Variants in CYB5D2 observed in about 807,000 individuals in gnomAD.
CYB5D2 encodes the protein neuferricin.
CYB5D2 carries 23 observed loss-of-function variants against 22.8 expected under a neutral mutation model. That is an observed-to-expected ratio of 1.01 (90% CI 0.73 to 1.43). The LOEUF (loss-of-function observed/expected upper bound fraction) is 1.43, where lower values mean the gene tolerates loss of function less well. Among genes scored for constraint, CYB5D2 ranks in the 40% most tolerant of loss-of-function variants. CYB5D2 has a pLI of 0.00. For synonymous variants in CYB5D2, 170 were observed against 152.2 expected (o/e 1.12, Z -0.86); for missense variants, 373 against 357.2 (o/e 1.04, Z -0.36).
intron 1 of CYB5D2, among the ~76,000 whole-genome samples, chr17:4,145,661 G>A (rs1182714275): frequency 6.6e-6 from 1 of 152,188 alleles, no homozygotes; most frequent in Non-Finnish European, 1.5e-5. Context: ...AATCCAAGAT[G>A]TCTGCAACAT....
At position 4,143,784 on chromosome 17, in the gene CYB5D2, T is replaced by A; in HGVS notation, c.29T>A (p.Leu10Ter). The change falls in exon 1 of 4, where the codon TTG becomes TAG. Residue 10 changes from leucine to a stop codon, truncating the protein, a stop_gained. Transcript: ENST00000301391. LOFTEE classifies it high-confidence loss of function. Reference protein sequence around the residue: MLRCGGRGLLLGLAVAAAAV... With the variant: MLRCGGRGL ...TTGAGGTGCGGAGGCCGTGGGCTTT[T>A]GTTGGGCCTGGCTGTAGCCGCAGCA... 2 of 1,613,920 alleles carry A rather than the reference T, an allele frequency of 1.2e-6. No individual in the cohort carries two copies. Among genetic ancestry groups the A allele is most frequent in the Non-Finnish European group, 1.7e-6 (2 of 1,179,920 alleles).
intron 2 of CYB5D2, among the ~76,000 whole-genome samples, chr17:4,151,420 C>T (rs2059056229): frequency 6.6e-6 from 1 of 152,216 alleles, no homozygotes; most frequent in South Asian, 2.1e-4. Flanking sequence ...AGTGGTCTCT[C>T]ACACCTGTAA....
In CYB5D2 at chr17:4,150,006, CTA is replaced by C. The variant is rs866040883; in HGVS notation, c.368_369del (p.Tyr123Ter). 5.0e-6 allele frequency: 8 copies of C among 1,613,952 alleles called. No individual in the cohort carries two copies. Among genetic ancestry groups the C allele is most frequent in the Admixed American group, 1.7e-5 (1 of 59,982 alleles). The part of the protein sequence containing the change: ...MLTLHNWLSF[Y>X]EKNYVCVGRV... ...TGACACTTCACAATTGGCTTTCATT[CTA>C]TGAGAAGAATTATGTGTGTGTTGGT... On this transcript the variant is annotated frameshift_variant, in exon 2 of 4. Coordinates refer to ENST00000301391, the MANE Select transcript of CYB5D2 (RefSeq NM_144611.4). LOFTEE classifies it high-confidence loss of function.
rs374793383 is a variant in CYB5D2, at chr17:4,152,222, T to C, written c.391+2191T>C. ...GATTTTAGTTGATGTCAGGATCTTA[T>C]TGAATACCTACTACTCATAAGTTAC... On this transcript the variant is annotated intron_variant, in intron 2 of 3. Transcript: ENST00000301391. Among the ~76,000 whole-genome samples, 28 of 152,300 alleles carry C rather than the reference T, an allele frequency of 1.8e-4. No individual in the cohort carries two copies. The South Asian group carries it at 5.6e-3, about 30-fold the overall frequency.
chr17:4,149,758 C>T, intron 1 of CYB5D2, 133 bp from the exon 2 acceptor site: 1 of 1,072,080 alleles, frequency 9.3e-7, no homozygotes, highest in Non-Finnish European at 1.3e-6. Context: ...GAAATCATGC[C>T]ACTGCACTCC....
At chr17:4,144,261 G>T (rs1423404264) in intron 1 of CYB5D2, among the ~76,000 whole-genome samples, 2 of 152,096 alleles carry the variant, frequency 1.3e-5, no homozygotes, top group African/African-American at 2.4e-5. Context: ...TCTGTCTCTT[G>T]TTACCCATTA....
intron 1 of CYB5D2, 22 bp from the exon 2 acceptor site, chr17:4,149,856 TACACCTGGGTCTG>T: frequency 6.3e-7 from 1 of 1,597,202 alleles, no homozygotes; most frequent in Non-Finnish European, 8.5e-7. Context: ...GTCAGTGGTT[TACACCTGGGTCTG>T]ATGGAAACAT....
At chr17:4,144,105 T>G in intron 1 of CYB5D2, 100 bp downstream of exon 1, 1 of 1,438,306 alleles carries the variant, frequency 7.0e-7, no homozygotes, top group Non-Finnish European at 9.3e-7. Flanking sequence ...TCCCCCCCCA[T>G]CCCCACCCCA....
At chr17:4,144,951 T>C (rs2058968837) in intron 1 of CYB5D2, among the ~76,000 whole-genome samples, 1 of 152,028 alleles carries the variant, frequency 6.6e-6, no homozygotes, top group African/African-American at 2.4e-5. Context: ...CACGCCCGGC[T>C]AATTTGTTGA....
intron 3 of CYB5D2, among the ~76,000 whole-genome samples, chr17:4,155,819 A>G (rs1242439570): frequency 6.6e-6 from 1 of 151,924 alleles, no homozygotes; most frequent in Non-Finnish European, 1.5e-5. Flanking sequence ...TGTCTCCTGA[A>G]CCTCTTCTTG....
rs2058919093 is a variant in CYB5D2, at chr17:4,143,595, C to CAGATAAAACG, written c.-157_-148dup. ...GAGCTTTTCGCCAGTGCCAGGAATA[C>CAGATAAAACG]AGATAAAACGAGAGAGACTAAGGGA... On this transcript the variant is annotated 5_prime_UTR_variant, in exon 1 of 4. Coordinates refer to ENST00000301391, the MANE Select transcript of CYB5D2 (RefSeq NM_144611.4). The CAGATAAAACG allele has an allele frequency of 2.0e-6, 2 of 1,001,194 alleles. No individual in the cohort carries two copies. The highest frequency in any genetic ancestry group is 2.9e-6 in the Non-Finnish European group (2 of 700,906). The allele number at this position is 1,001,194 out of a possible 1,614,324, so 62.0% of individuals were successfully genotyped here. A position where few individuals can be genotyped will look rare whatever the true frequency, so the allele number is the denominator to read the frequency against.
intron 2 of CYB5D2, among the ~76,000 whole-genome samples, chr17:4,152,113 T>C (rs2059065382): frequency 6.6e-6 from 1 of 152,122 alleles, no homozygotes; most frequent in African/African-American, 2.4e-5. Context: ...ATGCGTTTGG[T>C]GTGACAAGTG....
chr17:4,143,786 T>A lies in CYB5D2; in HGVS notation c.31T>A (p.Leu11Met). MLRCGGRGLL[L>M]GLAVAAAAVM... The stretch of plus-strand genomic sequence containing the variant: ...GAGGTGCGGAGGCCGTGGGCTTTTG[T>A]TGGGCCTGGCTGTAGCCGCAGCAGC... Residue 11 changes from leucine (L) to methionine (M), a missense_variant, in exon 1 of 4, where the codon TTG becomes ATG. Physicochemically the swap from Leu to Met is conservative, Grantham distance 15. Transcript: ENST00000301391. 6.2e-7 allele frequency: 1 copy of A among 1,614,022 alleles called. No homozygotes were observed. The highest frequency in any genetic ancestry group is 8.5e-7 in the Non-Finnish European group (1 of 1,179,982).
chr17:4,157,361 A>G lies in CYB5D2; in HGVS notation c.*279A>G. 1 of 508,232 alleles carries G rather than the reference A, an allele frequency of 2.0e-6. No homozygotes were observed. Among genetic ancestry groups the G allele is most frequent in the East Asian group, 3.5e-5 (1 of 28,400 alleles). The allele number at this position is 508,232 out of a possible 1,614,324, so 31.5% of individuals were successfully genotyped here. ...TCACAGCCCTCAGATATCAACGGGC[A>G]CAAATAAGACCAACTCAATTTCCAC... On this transcript the variant is annotated 3_prime_UTR_variant, in exon 4 of 4. Coordinates refer to ENST00000301391, the MANE Select transcript of CYB5D2 (RefSeq NM_144611.4). The surrounding 1 kb of genome is among the most constrained non-coding windows in gnomAD (Gnocchi z 4.4).
intron 1 of CYB5D2, 54 bp downstream of exon 1, chr17:4,144,059 C>G: frequency 6.5e-7 from 1 of 1,528,258 alleles, no homozygotes; most frequent in South Asian, 1.3e-5. Flanking sequence ...CCAGTAGCCA[C>G]CTGCGCGTCG....
chr17:4,150,539 T>C (rs1273088617), intron 2 of CYB5D2, among the ~76,000 whole-genome samples: 1 of 149,922 alleles, frequency 6.7e-6, no homozygotes, highest in East Asian at 1.9e-4. Context: ...CATAAGGGAC[T>C]TGCTTCTCAA....
chr17:4,150,032 G>A lies in CYB5D2; in HGVS notation c.391+1G>A. On this transcript the variant is annotated splice_donor_variant, in intron 2 of 3. Transcript: ENST00000301391. LOFTEE classifies it high-confidence loss of function. The stretch of plus-strand genomic sequence containing the variant: ...TATGAGAAGAATTATGTGTGTGTTG[G>A]TAAGTCGTCCATAGGTCATACATTT... 6.2e-7 allele frequency: 1 copy of A among 1,613,916 alleles called. No individual in the cohort carries two copies. Among genetic ancestry groups the A allele is most frequent in the South Asian group, 1.1e-5 (1 of 91,064 alleles).
At position 4,143,922 on chromosome 17, in the gene CYB5D2, A is replaced by G. The variant is rs1433061747; in HGVS notation, c.167A>G (p.Tyr56Cys). ...GGCGGCCCAGGGGACCCGGGCCTGT[A>G]CTTGGCGTTGCTCGGCCGTGTCTAC... is the stretch of plus-strand genomic sequence containing the variant. ...YRGGPGDPGL[Y>C]LALLGRVYDV... The change falls in exon 1 of 4, where the codon TAC becomes TGC. Residue 56 changes from tyrosine to cysteine, a missense_variant. Tyr to Cys is a radical substitution (Grantham distance 194). Coordinates refer to ENST00000301391, the MANE Select transcript of CYB5D2 (RefSeq NM_144611.4). 4 of 1,613,560 alleles carry G rather than the reference A, an allele frequency of 2.5e-6. No individual in the cohort carries two copies. Among genetic ancestry groups the G allele is most frequent in the Non-Finnish European group, 3.4e-6 (4 of 1,179,988 alleles).
At chr17:4,152,142 G>T (rs1324151837) in intron 2 of CYB5D2, among the ~76,000 whole-genome samples, 1 of 152,156 alleles carries the variant, frequency 6.6e-6, no homozygotes, top group African/African-American at 2.4e-5. Flanking sequence ...TTGTTTGAAT[G>T]ATGTATAATG....
Sources: allele counts gnomAD v4.1 joint callset (sites outside exome capture counted in the v4.1 genomes callset), GRCh38; gene constraint gnomAD v4.1.1; non-coding constraint Gnocchi (gnomAD v3.1); transcripts MANE v1.5; gene names NCBI Gene and HGNC (gene_info 2026-07-23, HGNC 2026-07-21).